The following DLC1 variants were observed in gnomAD, a reference collection of about 807,000 sequenced individuals.
The protein encoded by DLC1 is rho GTPase-activating protein 7.
In DLC1, 54 loss-of-function variants were observed where a neutral mutation model predicts 140.3. The observed-to-expected ratio is 0.38, with a 90% confidence interval of 0.31 to 0.48. The LOEUF (loss-of-function observed/expected upper bound fraction) is 0.48. DLC1 is among the 20% of genes least tolerant of loss of function. The probability of loss-of-function intolerance (pLI) is 0.96; values close to 1 mark genes in which losing one functional copy is unlikely to be tolerated. For synonymous variants in DLC1, 986 were observed against 728.1 expected (o/e 1.35, Z -5.70); for missense variants, 2,536 against 1,907.0 (o/e 1.33, Z -6.14).
intron 4 of DLC1, among the ~76,000 whole-genome samples, chr8:13,346,846 T>C (rs915991753): frequency 6.6e-6 from 1 of 152,210 alleles, no homozygotes; most frequent in African/African-American, 2.4e-5. Context: ...AGGATATATA[T>C]GAAAACCCAG....
At chr8:13,389,159 G>A (rs1403929538) in intron 4 of DLC1, among the ~76,000 whole-genome samples, 1 of 151,874 alleles carries the variant, frequency 6.6e-6, no homozygotes, top group East Asian at 1.9e-4. Flanking sequence ...TCTGGGGCTT[G>A]GCTCTTTTCT....
chr8:13,541,953 A>T (rs1011992327), intron 1 of DLC1, among the ~76,000 whole-genome samples: 2 of 152,160 alleles, frequency 1.3e-5, no homozygotes, highest in East Asian at 1.9e-4. Flanking sequence ...CTTACAACTC[A>T]CTGGATATAA....
chr8:13,581,761 C>G (rs1321357517), intron 1 of DLC1, among the ~76,000 whole-genome samples: 1 of 152,184 alleles, frequency 6.6e-6, no homozygotes, highest in Non-Finnish European at 1.5e-5. Context: ...CACCCAACCT[C>G]TTTATCAGGC....
At chr8:13,493,610 G>T (rs924579005) in intron 2 of DLC1, among the ~76,000 whole-genome samples, 7 of 152,020 alleles carry the variant, frequency 4.6e-5, no homozygotes, top group Non-Finnish European at 1.0e-4. Flanking sequence ...ATGTATTATT[G>T]TTAACTATAG....
rs1160559312 is a variant in DLC1, at chr8:13,189,818, G to T, written c.1349-74161C>A. On this transcript the variant is annotated intron_variant, in intron 5 of 17. Coordinates refer to ENST00000276297, the MANE Select transcript of DLC1 (RefSeq NM_182643.3). ...AATCGCTTGAAACCGGGAGGCAGAG[G>T]TTGCGGTGAGCCAAGATCGCGCCAT... is the stretch of plus-strand genomic sequence containing the variant. Among the ~76,000 whole-genome samples the T allele has an allele frequency of 3.3e-5, 5 of 152,008 alleles. No individual in the cohort carries two copies. The East Asian group carries it at 9.7e-4, about 29-fold the overall frequency.
At chr8:13,569,373 C>T (rs915895139) in intron 1 of DLC1, among the ~76,000 whole-genome samples, 4 of 151,946 alleles carry the variant, frequency 2.6e-5, no homozygotes, top group Non-Finnish European at 2.9e-5. Context: ...TTTTTTTCCC[C>T]CATAAAATTT....
At chr8:13,376,472 C>G (rs751107711) in intron 4 of DLC1, among the ~76,000 whole-genome samples, 7 of 152,108 alleles carry the variant, frequency 4.6e-5, no homozygotes, top group Non-Finnish European at 1.0e-4. Context: ...GAACCCCCTC[C>G]TCTTCTCCCT....
At chr8:13,490,064 G>C (rs1801166872) in intron 2 of DLC1, among the ~76,000 whole-genome samples, 1 of 151,998 alleles carries the variant, frequency 6.6e-6, no homozygotes, top group South Asian at 2.1e-4. Flanking sequence ...CCCCACTTTA[G>C]GTTGTGCTTT....
chr8:13,329,040 A>C (rs1428757365), intron 4 of DLC1, among the ~76,000 whole-genome samples: 1 of 152,200 alleles, frequency 6.6e-6, no homozygotes, highest in African/African-American at 2.4e-5. Context: ...ACATTTATTC[A>C]TTGAATCACT....
In DLC1 at chr8:13,432,161, C is replaced by T. The variant is rs568889195; in HGVS notation, c.1024-30542G>A. On this transcript the variant is annotated intron_variant, in intron 2 of 17. Transcript: ENST00000276297. Reference sequence around the variant, plus strand: ...TTTCAACATCCTCACCAAAATATATCTATTTTCACACAAAGTATCATCATG... The same window carrying T: ...TTTCAACATCCTCACCAAAATATATTTATTTTCACACAAAGTATCATCATG... Among the ~76,000 whole-genome samples the T allele has an allele frequency of 1.2e-4, 18 of 152,262 alleles. No homozygotes were observed. In the South Asian group the frequency reaches 2.9e-3, roughly 25 times the overall value.
At chr8:13,591,409 A>G (rs1466111815) in intron 1 of DLC1, among the ~76,000 whole-genome samples, 1 of 152,092 alleles carries the variant, frequency 6.6e-6, no homozygotes, top group Non-Finnish European at 1.5e-5. Flanking sequence ...TTTTACAAGC[A>G]TCTGGCATTT....
chr8:13,171,705 A>C (rs911281856), intron 5 of DLC1, among the ~76,000 whole-genome samples: 1 of 152,190 alleles, frequency 6.6e-6, no homozygotes, highest in African/African-American at 2.4e-5. Flanking sequence ...CCTTTTAAAA[A>C]GTAGTTTACA....
In DLC1 at chr8:13,365,374, C is replaced by T. The variant is rs546722283; in HGVS notation, c.1314+28179G>A. Reference sequence around the variant, plus strand: ...TTTGGTGGTAAGTGACTGCACAGCTCCCCTCCCTTGAAGGAGGAACTACTG... The same window carrying T: ...TTTGGTGGTAAGTGACTGCACAGCTTCCCTCCCTTGAAGGAGGAACTACTG... On this transcript the variant is annotated intron_variant, in intron 4 of 17. Coordinates refer to ENST00000276297, the MANE Select transcript of DLC1 (RefSeq NM_182643.3). 1.7e-4 allele frequency among the ~76,000 whole-genome samples: 26 copies of T among 152,264 alleles called. No individual in the cohort carries two copies. The South Asian group carries it at 3.7e-3, about 22-fold the overall frequency.
intron 1 of DLC1, among the ~76,000 whole-genome samples, chr8:13,578,106 C>A (rs1388560823): frequency 6.6e-6 from 1 of 152,018 alleles, no homozygotes; most frequent in Admixed American, 6.5e-5. Context: ...AACCAACTCC[C>A]TGGGAGTTGG....
chr8:13,083,397 C>A lies in DLC1; in HGVS notation c.*2414G>T, dbSNP rs1029796975. On this transcript the variant is annotated 3_prime_UTR_variant, in exon 18 of 18. Transcript: ENST00000276297. ...AAATAATAAATTTATTAGGTGCCTACAAGTACAAAATACTGAAAGCCGCTG... is the reference window on the plus strand; with the variant it reads ...AAATAATAAATTTATTAGGTGCCTAAAAGTACAAAATACTGAAAGCCGCTG... 1.3e-5 allele frequency: 2 copies of A among 151,954 alleles called. No homozygotes were observed. The highest frequency in any genetic ancestry group is 4.8e-5 in the African/African-American group (2 of 41,338). The allele number at this position is 151,954 out of a possible 1,614,324, so 9.4% of individuals were successfully genotyped here. A position where few individuals can be genotyped will look rare whatever the true frequency, so the allele number is the denominator to read the frequency against.
At chr8:13,575,108 T>G (rs1449787027) in intron 1 of DLC1, among the ~76,000 whole-genome samples, 1 of 152,172 alleles carries the variant, frequency 6.6e-6, no homozygotes, top group African/African-American at 2.4e-5. Flanking sequence ...AATTCAGAAA[T>G]TTTCCAACTG....
intron 5 of DLC1, among the ~76,000 whole-genome samples, chr8:13,153,191 A>T (rs1384018723): frequency 6.6e-6 from 1 of 152,016 alleles, no homozygotes; most frequent in Non-Finnish European, 1.5e-5. Context: ...TGGTGTTCTG[A>T]CGTGTTCAGG....
chr8:13,536,322 G>T (rs1366389274), intron 1 of DLC1, among the ~76,000 whole-genome samples: 1 of 152,166 alleles, frequency 6.6e-6, no homozygotes, highest in African/African-American at 2.4e-5. Context: ...AGGGAGTGGG[G>T]AAATCTAAGG....
At chr8:13,225,725 C>T (rs1318465621) in intron 5 of DLC1, among the ~76,000 whole-genome samples, 2 of 151,398 alleles carry the variant, frequency 1.3e-5, no homozygotes, top group Admixed American at 6.6e-5. Flanking sequence ...ACACCATTCT[C>T]TTGCCTCAGC....
Sources: gnomAD v4.1 joint callset for allele counts (sites outside exome capture counted in the v4.1 genomes callset) on GRCh38, gnomAD v4.1.1 for gene constraint, MANE v1.5 for transcripts, NCBI Gene and HGNC (gene_info 2026-07-23, HGNC 2026-07-21) for gene names.